The following MELTF variants were observed in gnomAD, a reference collection of about 807,000 sequenced individuals.
The protein encoded by MELTF is melanotransferrin, also known as antigen p97 (melanoma associated) identified by monoclonal antibodies 133.2 and 96.5.
A neutral mutation model predicts 83.7 loss-of-function variants in MELTF; 67 were observed. The observed-to-expected ratio is 0.80, with a 90% confidence interval of 0.66 to 0.98. MELTF has a LOEUF of 0.98. Among genes scored for constraint, MELTF ranks in the 50% least tolerant of loss-of-function variants. The pLI, the probability that MELTF is intolerant of heterozygous loss-of-function variation, is 0.00. For synonymous variants in MELTF, 462 were observed against 447.6 expected (o/e 1.03, Z -0.41); for missense variants, 1,002 against 1,035.6 (o/e 0.97, Z 0.44).
At chr3:197,021,311 G>T in intron 6 of MELTF, 93 bp downstream of exon 6, 1 of 1,235,470 alleles carries the variant, frequency 8.1e-7, no homozygotes, top group Non-Finnish European at 1.2e-6. Context: ...GCACTAGGGC[G>T]TTTGATCCCA....
intron 9 of MELTF, among the ~76,000 whole-genome samples, chr3:197,014,437 G>C (rs1235706371): frequency 1.4e-5 from 2 of 145,498 alleles, no homozygotes; most frequent in Non-Finnish European, 3.0e-5. Context: ...GCCCAGGCTG[G>C]AGTGCAATGG....
chr3:197,003,831 C>G lies in MELTF; in HGVS notation c.2137+70G>C. 3 of 1,513,472 alleles carry G rather than the reference C, an allele frequency of 2.0e-6. No individual in the cohort carries two copies. The East Asian group carries it at 6.8e-5, about 34-fold the overall frequency. The allele number at this position is 1,513,472 out of a possible 1,614,324, so 93.8% of individuals were successfully genotyped here. A position where few individuals can be genotyped will look rare whatever the true frequency, so the allele number is the denominator to read the frequency against. On this transcript the variant is annotated intron_variant, in intron 15 of 15. Transcript: ENST00000296350. This position sits in a 1 kb window ranked among gnomAD's most constrained non-coding sequence, Gnocchi z 6.2. ...CTCCCCGGACCCGCAGCGCCCCCCGCTCCCTCAGGGTTCTGGGGTGAAGGG... is the reference window on the plus strand; with the variant it reads ...CTCCCCGGACCCGCAGCGCCCCCCGGTCCCTCAGGGTTCTGGGGTGAAGGG...
At chr3:197,028,065 G>C in intron 1 of MELTF, 155 bp from the exon 2 acceptor site, 1 of 818,236 alleles carries the variant, frequency 1.2e-6, no homozygotes, top group Non-Finnish European at 1.9e-6. Flanking sequence ...ACTAGGCGCA[G>C]AGACAGGGGA....
In MELTF at chr3:197,029,737, C is replaced by CCGGG; in HGVS notation, c.-36_-35insCCCG. 8.1e-7 allele frequency: 1 copy of CCGGG among 1,227,498 alleles called. No individual in the cohort carries two copies. The allele number at this position is 1,227,498 out of a possible 1,614,324, so 76.0% of individuals were successfully genotyped here. A position where few individuals can be genotyped will look rare whatever the true frequency, so the allele number is the denominator to read the frequency against. On this transcript the variant is annotated 5_prime_UTR_variant, in exon 1 of 16. Coordinates refer to ENST00000296350, the MANE Select transcript of MELTF (RefSeq NM_005929.6). This position sits in a 1 kb window ranked among gnomAD's most constrained non-coding sequence, Gnocchi z 6.5. ...GGGGCTGGCTGGGGCCGGGCTGGGG[C>CCGGG]TGGGTCCGGGTCCGAGGAGGTCCGC...
rs2108948777 is a variant in MELTF, at chr3:197,003,371, C to T, written c.*1G>A. 1.9e-6 allele frequency: 2 copies of T among 1,068,854 alleles called. No homozygotes were observed. Among genetic ancestry groups the T allele is most frequent in the East Asian group, 1.3e-4 (2 of 15,426 alleles). The allele number at this position is 1,068,854 out of a possible 1,614,324, so 66.2% of individuals were successfully genotyped here. On this transcript the variant is annotated 3_prime_UTR_variant, in exon 16 of 16. Coordinates refer to ENST00000296350, the MANE Select transcript of MELTF (RefSeq NM_005929.6). The surrounding 1 kb of genome is among the most constrained non-coding windows in gnomAD (Gnocchi z 6.2). ...GGAGCTCTGGGGCGGGGCGGCCGGG[C>T]TCAGAGGGCGGGCGGGAGCAGGCGG... is the stretch of plus-strand genomic sequence containing the variant.
At chr3:197,009,946 TGAGGCCAGGGTGTTCTG>T (rs1196634396) in intron 10 of MELTF, 134 bp from the exon 11 acceptor site, 6 of 833,056 alleles carry the variant, frequency 7.2e-6, no homozygotes, top group Non-Finnish European at 1.1e-5. Flanking sequence ...TACCCAGGCC[TGAGGCCAGGGTGTTCTG>T]GGAGCAGGCC....
At chr3:197,026,802 T>C in intron 2 of MELTF, 43 bp from the exon 3 acceptor site, 2 of 1,584,138 alleles carry the variant, frequency 1.3e-6, no homozygotes, top group South Asian at 2.2e-5. Context: ...CCAGCTGGCC[T>C]GCTCAGCAAA....
intron 1 of MELTF, chr3:197,028,291 G>T (rs542192919): frequency 1.0e-5 from 2 of 193,640 alleles, no homozygotes; most frequent in East Asian, 2.4e-4. Flanking sequence ...GAGGGTGCTC[G>T]TGTAGGTTCC....
At chr3:197,017,031 C>T in intron 7 of MELTF, 72 bp downstream of exon 7, 17 of 1,524,436 alleles carry the variant, frequency 1.1e-5, no homozygotes, top group Non-Finnish European at 1.4e-5. Flanking sequence ...CCTGGTCCCA[C>T]CCTGCTGAGC....
chr3:197,010,806 A>G lies in MELTF; in HGVS notation c.1234-12T>C, dbSNP rs747601489. 1.9e-6 allele frequency: 3 copies of G among 1,612,878 alleles called. No individual in the cohort carries two copies. Among genetic ancestry groups the G allele is most frequent in the South Asian group, 2.2e-5 (2 of 91,078 alleles). ...TCGACCTGCTCAGCCTGAAGGGAAT[A>G]GAAGAAGCCACTGGGCCGGGGTGGG... is the stretch of plus-strand genomic sequence containing the variant. On this transcript the variant is annotated splice_polypyrimidine_tract_variant and intron_variant, in intron 9 of 15. Transcript: ENST00000296350.
Position 197,006,138 on chromosome 3 carries a change from G to T in MELTF, c.1938+411C>A. Among the ~76,000 whole-genome samples the T allele has an allele frequency of 6.6e-6, 1 of 151,962 alleles. No homozygotes were observed. Among genetic ancestry groups the T allele is most frequent in the East Asian group, 1.9e-4 (1 of 5,176 alleles). ...CAGGAGGCTGAGGTGGGAGAATGGC[G>T]TGAACCCGGGAGGCGGAGCTTGCAG... On this transcript the variant is annotated intron_variant, in intron 14 of 15. Coordinates refer to ENST00000296350, the MANE Select transcript of MELTF (RefSeq NM_005929.6). The surrounding 1 kb of genome is among the most constrained non-coding windows in gnomAD (Gnocchi z 5.4).
At position 197,003,136 on chromosome 3, in the gene MELTF, C is replaced by T; in HGVS notation, c.*236G>A. ...GCAACCGGCCTCCTCCGGCGCGGCC[C>T]GCGCGGCTCCAGGTGGCGGGAGGCG... On this transcript the variant is annotated 3_prime_UTR_variant, in exon 16 of 16. Coordinates refer to ENST00000296350, the MANE Select transcript of MELTF (RefSeq NM_005929.6). This position sits in a 1 kb window ranked among gnomAD's most constrained non-coding sequence, Gnocchi z 6.2. The T allele has an allele frequency of 4.4e-6, 1 of 227,616 alleles. No homozygotes were observed. Among genetic ancestry groups the T allele is most frequent in the Non-Finnish European group, 7.3e-6 (1 of 137,078 alleles). The allele number at this position is 227,616 out of a possible 1,614,324, so 14.1% of individuals were successfully genotyped here. A position where few individuals can be genotyped will look rare whatever the true frequency, so the allele number is the denominator to read the frequency against.
intron 3 of MELTF, 166 bp downstream of exon 3, chr3:197,026,494 G>A (rs2148593951): frequency 1.6e-6 from 1 of 625,608 alleles, no homozygotes; most frequent in Non-Finnish European, 2.9e-6. Context: ...TGGAGCTCCT[G>A]TCCCTGGGGA....
chr3:197,010,048 G>T (rs1719132608), intron 10 of MELTF, among the ~76,000 whole-genome samples: 1 of 152,230 alleles, frequency 6.6e-6, no homozygotes, highest in Admixed American at 6.5e-5. Flanking sequence ...TCTTCCTCTG[G>T]CCCCAGCAGT....
chr3:197,023,252 A>T, intron 4 of MELTF, 139 bp from the exon 5 acceptor site: 2 of 899,886 alleles, frequency 2.2e-6, no homozygotes, highest in South Asian at 3.0e-5. Context: ...GTCTGAGCAA[A>T]GCTGGGGAGT....
chr3:197,020,785 C>T (rs1212959984), intron 6 of MELTF, among the ~76,000 whole-genome samples: 2 of 152,192 alleles, frequency 1.3e-5, no homozygotes, highest in East Asian at 3.9e-4. Context: ...TCCCCTGCCT[C>T]AGCCTCCCAA....
chr3:197,017,687 C>T (rs1364222453), intron 6 of MELTF, among the ~76,000 whole-genome samples: 4 of 152,052 alleles, frequency 2.6e-5, no homozygotes, highest in East Asian at 1.9e-4. Flanking sequence ...ACCATCCTGG[C>T]TAACACGGTG....
At chr3:197,023,142 A>C in intron 4 of MELTF, 29 bp from the exon 5 acceptor site, 3 of 1,612,540 alleles carry the variant, frequency 1.9e-6, no homozygotes, top group Non-Finnish European at 2.5e-6. Context: ...GAGGTCACTC[A>C]GCAGAACTTT....
intron 6 of MELTF, among the ~76,000 whole-genome samples, chr3:197,017,749 C>T (rs534189424): frequency 4.6e-5 from 7 of 152,114 alleles, no homozygotes; most frequent in East Asian, 2.0e-4. Flanking sequence ...TGGTGGCGGG[C>T]GCCTGTAATC....
Sources: gnomAD v4.1 joint callset for allele counts (sites outside exome capture counted in the v4.1 genomes callset) on GRCh38, gnomAD v4.1.1 for gene constraint, Gnocchi (gnomAD v3.1) non-coding constraint, MANE v1.5 for transcripts, NCBI Gene and HGNC (gene_info 2026-07-23, HGNC 2026-07-21) for gene names.